NEDD1: variants seen among roughly 807,000 people sequenced by gnomAD.
The protein encoded by NEDD1 is protein NEDD1.
A neutral mutation model predicts 74.0 loss-of-function variants in NEDD1; 33 were observed. That is an observed-to-expected ratio of 0.45 (90% CI 0.34 to 0.60). NEDD1 has a LOEUF of 0.60. Among genes scored for constraint, NEDD1 ranks in the 20% least tolerant of loss-of-function variants. The probability of loss-of-function intolerance (pLI) is 0.01; values close to 1 mark genes in which losing one functional copy is unlikely to be tolerated. For synonymous variants in NEDD1, 250 were observed against 264.4 expected, an observed-to-expected ratio of 0.95 and a Z score of 0.53; for missense variants, 746 against 776.5, an observed-to-expected ratio of 0.96 and a Z score of 0.47.
At chr12:96,909,052 G>T (rs1047075371) in intron 2 of NEDD1, among the ~76,000 whole-genome samples, 1 of 151,612 alleles carries the variant, frequency 6.6e-6, no homozygotes, top group Non-Finnish European at 1.5e-5. Flanking sequence ...GGTGCATGCC[G>T]GTAATCCCAG....
chr12:96,928,681 C>CTTTTTTT (rs34575410), intron 6 of NEDD1, among the ~76,000 whole-genome samples: 5 of 87,692 alleles, frequency 5.7e-5, no homozygotes, highest in Non-Finnish European at 8.6e-5. Flanking sequence ...TAGTGTGTTT[C>CTTTTTTT]TTTTTTTTTT....
At chr12:96,924,721 AG>A in intron 6 of NEDD1, 1 of 329,206 alleles carries the variant, frequency 3.0e-6, no homozygotes, top group Non-Finnish European at 5.8e-6. Flanking sequence ...AAGAATTTGT[AG>A]TATTTACAGT....
chr12:96,930,844 G>A (rs1876385057), intron 6 of NEDD1, among the ~76,000 whole-genome samples: 1 of 151,960 alleles, frequency 6.6e-6, no homozygotes, highest in Admixed American at 6.6e-5. Flanking sequence ...GCACACACAC[G>A]TACACATGCA....
rs1874069927 is a variant in NEDD1 at position 96,912,932 on chromosome 12, A to G, written c.231+115A>G. The G allele has an allele frequency of 5.1e-6, 3 of 583,996 alleles. No homozygotes were observed. The Admixed American group carries it at 9.6e-5, about 19-fold the overall frequency. 36.2% of individuals were successfully genotyped at this position (583,996 alleles called of 1,614,324 possible). ...AAGGTTTTTAAAAGCATTATTTTTA[A>G]CTTAAGCTCAAAATAATATAGTAAC... On this transcript the variant is annotated intron_variant, in intron 4 of 15. Coordinates refer to ENST00000266742, the MANE Select transcript of NEDD1 (RefSeq NM_152905.4).
intron 14 of NEDD1, among the ~76,000 whole-genome samples, chr12:96,946,125 G>C (rs921354806): frequency 6.6e-6 from 1 of 152,126 alleles, no homozygotes; most frequent in Non-Finnish European, 1.5e-5. Flanking sequence ...TTATTAAAAT[G>C]TGGACAAGTT....
intron 2 of NEDD1, among the ~76,000 whole-genome samples, chr12:96,909,107 C>T (rs577599834): frequency 1.0e-4 from 14 of 139,538 alleles, no homozygotes; most frequent in East Asian, 2.2e-4. Context: ...ACCTGGAAGG[C>T]GGAGGTTGTG....
chr12:96,922,329 C>CTA (rs1347705015), intron 6 of NEDD1, among the ~76,000 whole-genome samples: 1 of 151,944 alleles, frequency 6.6e-6, no homozygotes, highest in Non-Finnish European at 1.5e-5. Context: ...AAGTCTAAGC[C>CTA]TATAAACTTT....
At chr12:96,917,583 GT>G (rs1363151590) in intron 4 of NEDD1, 37 bp from the exon 5 acceptor site, 2 of 1,475,746 alleles carry the variant, frequency 1.4e-6, no homozygotes, top group Non-Finnish European at 1.8e-6. Context: ...TCTGGGCTCT[GT>G]TAAATTAAGG....
At chr12:96,921,212 C>T (rs1036209783) in intron 6 of NEDD1, among the ~76,000 whole-genome samples, 2 of 152,144 alleles carry the variant, frequency 1.3e-5, no homozygotes, top group African/African-American at 2.4e-5. Context: ...GGCGGAGTCT[C>T]GCTCAGCTGC....
At chr12:96,939,264 T>C (rs1040847628) in intron 9 of NEDD1, among the ~76,000 whole-genome samples, 2 of 152,036 alleles carry the variant, frequency 1.3e-5, no homozygotes, top group African/African-American at 2.4e-5. Flanking sequence ...AATAAGACTT[T>C]AGCGCTGTTT....
intron 14 of NEDD1, among the ~76,000 whole-genome samples, chr12:96,947,953 G>A (rs955654144): frequency 2.0e-5 from 3 of 152,178 alleles, no homozygotes; most frequent in Non-Finnish European, 2.9e-5. Context: ...CTCTGCCTGG[G>A]ACGCAGTGAA....
intron 2 of NEDD1, 109 bp downstream of exon 2, chr12:96,907,965 A>G (rs973101908): frequency 1.1e-5 from 10 of 946,392 alleles, no homozygotes; most frequent in Admixed American, 3.9e-5. Flanking sequence ...GTTTGAACCC[A>G]GTTTTTCTGA....
Position 96,945,763 on chromosome 12 carries a change from T to G in NEDD1, c.1725T>G (p.Ile575Met). Reference protein sequence around the residue: ...SSLSEKIADSIGNNRQNAPLT... With the variant: ...SSLSEKIADSMGNNRQNAPLT... ...TCTCAGAAAAAATAGCCGACAGCAT[T>G]GGAAATAACCGGCAAAATGCACCAT... The change falls in exon 14 of 16, where the codon ATT becomes ATG. Residue 575 changes from isoleucine (I) to methionine (M), a missense_variant. Physicochemically the swap from Ile to Met is conservative, Grantham distance 10 (BLOSUM62 1). Transcript: ENST00000266742. The G allele has an allele frequency of 6.2e-7, 1 of 1,609,552 alleles. No individual in the cohort carries two copies.
At position 96,907,759 on chromosome 12, in the gene NEDD1, T is replaced by G; in HGVS notation, c.-106T>G. ...CGCTGTCCCTAAACCCAGGCCGACG[T>G]TACCGCCTTGTGTCCTGACTGCTAG... On this transcript the variant is annotated 5_prime_UTR_variant, in exon 2 of 16. Transcript: ENST00000266742. 6.5e-7 allele frequency: 1 copy of G among 1,536,056 alleles called. No individual in the cohort carries two copies. The highest frequency in any genetic ancestry group is 8.8e-7 in the Non-Finnish European group (1 of 1,139,142).
At chr12:96,930,930 G>A (rs1002379013) in intron 6 of NEDD1, among the ~76,000 whole-genome samples, 2 of 152,134 alleles carry the variant, frequency 1.3e-5, no homozygotes, top group Non-Finnish European at 2.9e-5. Flanking sequence ...CCCATTGAAA[G>A]GATTTTAAGC....
At chr12:96,918,839 C>T (rs890682482) in intron 5 of NEDD1, among the ~76,000 whole-genome samples, 7 of 152,152 alleles carry the variant, frequency 4.6e-5, no homozygotes, top group East Asian at 1.9e-4. Flanking sequence ...CAAATGGGAA[C>T]GATACCCAGA....
chr12:96,924,330 C>T (rs1875455142), intron 6 of NEDD1, among the ~76,000 whole-genome samples: 2 of 152,286 alleles, frequency 1.3e-5, no homozygotes, highest in South Asian at 4.1e-4. Flanking sequence ...ATTTTAGAAT[C>T]AGCTTGCCCA....
At chr12:96,917,992 T>C (rs1014691109) in intron 5 of NEDD1, among the ~76,000 whole-genome samples, 5 of 152,194 alleles carry the variant, frequency 3.3e-5, no homozygotes, top group African/African-American at 1.2e-4. Flanking sequence ...TCTACTCTTA[T>C]TTGAATGAAC....
rs778875894 is a variant in NEDD1, at chr12:96,907,655, G to T, written c.-210G>T. The T allele has an allele frequency of 1.3e-6, 2 of 1,551,056 alleles. No homozygotes were observed. Among genetic ancestry groups the T allele is most frequent in the South Asian group, 2.4e-5 (2 of 84,064 alleles). ...CCTCACTTGAGCTGTTGTCCTGCAA[G>T]TAAAGTGTATTTTTGGTGATTGAAA... On this transcript the variant is annotated 5_prime_UTR_variant, in exon 2 of 16. Coordinates refer to ENST00000266742, the MANE Select transcript of NEDD1 (RefSeq NM_152905.4).
Sources: allele counts gnomAD v4.1 joint callset (sites outside exome capture counted in the v4.1 genomes callset), GRCh38; gene constraint gnomAD v4.1.1; transcripts MANE v1.5; gene names NCBI Gene and HGNC (gene_info 2026-07-23, HGNC 2026-07-21).